Variants in ZFHX3 observed in about 807,000 individuals in gnomAD.
ZFHX3 encodes zinc finger homeobox protein 3.
A neutral mutation model predicts 279.1 loss-of-function variants in ZFHX3; 42 were observed. The observed-to-expected ratio is 0.15, with a 90% CI of 0.12 to 0.19. The LOEUF (loss-of-function observed/expected upper bound fraction) is 0.19, where lower values mean the gene tolerates loss of function less well. Among genes scored for constraint, ZFHX3 ranks in the 10% least tolerant of loss-of-function variants. The probability of loss-of-function intolerance (pLI) is 1.00; values close to 1 mark genes in which losing one functional copy is unlikely to be tolerated. For missense variants in ZFHX3, 4,981 were observed against 4,754.0 expected, an observed-to-expected ratio of 1.05 and a Z score of -1.40; for synonymous variants, 2,293 against 1,957.8, an observed-to-expected ratio of 1.17 and a Z score of -4.52.
intron 3 of ZFHX3, among the ~76,000 whole-genome samples, chr16:73,325,505 C>T (rs1013604831): frequency 6.6e-5 from 10 of 152,112 alleles, no homozygotes; most frequent in Admixed American, 4.6e-4. Flanking sequence ...AGTCCAATGA[C>T]ATGGATCATA....
At chr16:73,743,976 T>A (rs766627547) in intron 1 of ZFHX3, among the ~76,000 whole-genome samples, 2 of 152,136 alleles carry the variant, frequency 1.3e-5, no homozygotes, top group Non-Finnish European at 2.9e-5. Flanking sequence ...CCTCTCTACA[T>A]AACAGTCTTC....
chr16:73,199,771 A>G (rs1279235982), intron 5 of ZFHX3, among the ~76,000 whole-genome samples: 5 of 152,214 alleles, frequency 3.3e-5, no homozygotes, highest in Non-Finnish European at 2.9e-5. Context: ...ACAGTCCTCC[A>G]GGTGCTACAG....
chr16:73,860,232 A>G (rs1961845454), intron 1 of ZFHX3, among the ~76,000 whole-genome samples: 1 of 152,228 alleles, frequency 6.6e-6, no homozygotes, highest in Non-Finnish European at 1.5e-5. Context: ...TGACAAATGT[A>G]ATGTTCCCCC....
intron 2 of ZFHX3, among the ~76,000 whole-genome samples, chr16:73,474,637 C>G (rs1329422611): frequency 2.0e-5 from 3 of 152,154 alleles, no homozygotes. Flanking sequence ...TTAGTCCCCT[C>G]TTACAAGCAG....
intron 2 of ZFHX3, among the ~76,000 whole-genome samples, chr16:73,640,594 G>A (rs1243735323): frequency 6.6e-6 from 1 of 152,078 alleles, no homozygotes; most frequent in African/African-American, 2.4e-5. Context: ...TCTCAGAATT[G>A]TTTAAAAATC....
At chr16:73,794,986 C>A (rs1381671570) in intron 1 of ZFHX3, among the ~76,000 whole-genome samples, 1 of 152,144 alleles carries the variant, frequency 6.6e-6, no homozygotes, top group Non-Finnish European at 1.5e-5. Flanking sequence ...TAAACACACC[C>A]AGGACTGGTT....
intron 5 of ZFHX3, among the ~76,000 whole-genome samples, chr16:73,254,137 G>A (rs1013691497): frequency 3.9e-5 from 6 of 152,066 alleles, no homozygotes; most frequent in African/African-American, 1.4e-4. Flanking sequence ...TCCCAACCCT[G>A]TGGGACTCCT....
intron 3 of ZFHX3, among the ~76,000 whole-genome samples, chr16:72,921,384 G>T (rs1160246567): frequency 6.6e-6 from 1 of 152,196 alleles, no homozygotes; most frequent in African/African-American, 2.4e-5. Context: ...GTTCTTCAAA[G>T]GGCATCAGAC....
chr16:73,246,404 G>C (rs1238592512), intron 5 of ZFHX3, among the ~76,000 whole-genome samples: 2 of 152,168 alleles, frequency 1.3e-5, no homozygotes, highest in African/African-American at 4.8e-5. Flanking sequence ...ATGAACACAA[G>C]ACTCAGGATC....
At chr16:73,742,090 C>A (rs1004682968) in intron 1 of ZFHX3, among the ~76,000 whole-genome samples, 2 of 152,168 alleles carry the variant, frequency 1.3e-5, no homozygotes, top group African/African-American at 4.8e-5. Flanking sequence ...TCATAACCAC[C>A]TCAAATTTCC....
At chr16:73,163,777 A>T (rs1240862578) in intron 5 of ZFHX3, among the ~76,000 whole-genome samples, 1 of 152,206 alleles carries the variant, frequency 6.6e-6, no homozygotes, top group Non-Finnish European at 1.5e-5. Flanking sequence ...AGATGGAATA[A>T]TCCAAGGGTA....
At chr16:72,905,494 C>T (rs765704041) in intron 3 of ZFHX3, among the ~76,000 whole-genome samples, 2 of 152,058 alleles carry the variant, frequency 1.3e-5, no homozygotes, top group Non-Finnish European at 2.9e-5. Context: ...TACTATTAAA[C>T]TGACAAATAA....
chr16:73,434,822 C>T (rs1182839338), intron 3 of ZFHX3, among the ~76,000 whole-genome samples: 1 of 152,112 alleles, frequency 6.6e-6, no homozygotes, highest in Non-Finnish European at 1.5e-5. Context: ...GAGGTACCCA[C>T]TCAAACTGGG....
intron 1 of ZFHX3, among the ~76,000 whole-genome samples, chr16:73,879,376 G>A (rs1265746094): frequency 1.3e-5 from 2 of 151,562 alleles, no homozygotes; most frequent in Non-Finnish European, 2.9e-5. Context: ...ATGGGATGGA[G>A]AATCTAAGGT....
At position 72,957,831 on chromosome 16, in the gene ZFHX3, GCCC is replaced by G. The variant is rs773964480; in HGVS notation, c.2312_2314del (p.Gly771del). On this transcript the variant is annotated inframe_deletion, in exon 2 of 10. Coordinates refer to ENST00000268489, the MANE Select transcript of ZFHX3 (RefSeq NM_006885.4). ...CGCCGCAGCCACCGCCGCCGCCGCC[GCCC>G]CGGCAGTGTGGCTGAAGACCTGCTC... 3 of 1,611,640 alleles carry G rather than the reference GCCC, an allele frequency of 1.9e-6. No homozygotes were observed. The Admixed American group carries it at 5.0e-5, about 27-fold the overall frequency.
intron 3 of ZFHX3, among the ~76,000 whole-genome samples, chr16:72,947,274 T>C (rs1448127225): frequency 6.6e-6 from 1 of 152,182 alleles, no homozygotes; most frequent in Non-Finnish European, 1.5e-5. Context: ...TAATCCTGAT[T>C]TAAACATTAG....
intron 2 of ZFHX3, among the ~76,000 whole-genome samples, chr16:73,572,319 C>A (rs550679249): frequency 1.3e-5 from 2 of 152,082 alleles, no homozygotes; most frequent in African/African-American, 4.8e-5. Flanking sequence ...TGAAGAGTCA[C>A]GGCCTGCATT....
intron 4 of ZFHX3, among the ~76,000 whole-genome samples, chr16:72,843,654 T>C (rs1280622449): frequency 2.0e-5 from 3 of 151,034 alleles, no homozygotes; most frequent in African/African-American, 4.9e-5. Context: ...ACAGAAGCCA[T>C]GGGCAGTGTG....
chr16:73,693,470 C>T (rs939619929), intron 1 of ZFHX3, among the ~76,000 whole-genome samples: 5 of 152,018 alleles, frequency 3.3e-5, no homozygotes, highest in Non-Finnish European at 7.4e-5. Flanking sequence ...TGAGCTGCAC[C>T]GAGAAGTGTT....
Sources: allele counts gnomAD v4.1 joint callset (sites outside exome capture counted in the v4.1 genomes callset), GRCh38; gene constraint gnomAD v4.1.1; transcripts MANE v1.5; gene names NCBI Gene and HGNC (gene_info 2026-07-23, HGNC 2026-07-21).